The following TWIST2 variants were observed in gnomAD, a reference collection of about 807,000 sequenced individuals.
TWIST2 encodes twist-related protein 2.
A neutral mutation model predicts 11.6 loss-of-function variants in TWIST2; 1 was observed. The observed-to-expected ratio is 0.09, with a 90% CI of 0.03 to 0.41. The LOEUF is 0.41. TWIST2 is among the 10% of genes least tolerant of loss of function. TWIST2 has a pLI of 0.98. For missense variants in TWIST2, 168 were observed against 226.4 expected (o/e 0.74, Z 1.66); for synonymous variants, 87 against 96.6 (o/e 0.90, Z 0.58).
At chr2:238,871,351 A>C (rs1374997186) in intron 1 of TWIST2, among the ~76,000 whole-genome samples, 1 of 48,268 alleles carries the variant, frequency 2.1e-5, no homozygotes, top group African/African-American at 9.1e-5. Context: ...ACCACACCCC[A>C]CACACACAGT....
intron 1 of TWIST2, among the ~76,000 whole-genome samples, chr2:238,899,670 T>C (rs1693245540): frequency 6.6e-6 from 1 of 152,214 alleles, no homozygotes; most frequent in East Asian, 1.9e-4. Context: ...GATTTCCAAA[T>C]GGTAACATTC....
chr2:238,862,672 C>G (rs1041969893), intron 1 of TWIST2, among the ~76,000 whole-genome samples: 9 of 152,128 alleles, frequency 5.9e-5, no homozygotes, highest in African/African-American at 1.7e-4. Context: ...CTGGAAATAC[C>G]CTTTGCATGA....
chr2:238,894,378 G>A (rs1693182294), intron 1 of TWIST2, among the ~76,000 whole-genome samples: 1 of 152,020 alleles, frequency 6.6e-6, no homozygotes, highest in Non-Finnish European at 1.5e-5. Flanking sequence ...CCCAAGCTGG[G>A]CCCCTGAGCG....
At chr2:238,860,368 T>A (rs1377183102) in intron 1 of TWIST2, among the ~76,000 whole-genome samples, 2 of 152,236 alleles carry the variant, frequency 1.3e-5, no homozygotes, top group Non-Finnish European at 2.9e-5. Context: ...CTCAGCCACC[T>A]GTGTTTGAGA....
intron 1 of TWIST2, among the ~76,000 whole-genome samples, chr2:238,905,946 CGCGCGT>C (rs1693344412): frequency 9.1e-6 from 1 of 109,426 alleles, no homozygotes; most frequent in Non-Finnish European, 2.0e-5. Context: ...TGTGTGTGCG[CGCGCGT>C]GTGTACGTGT....
In TWIST2 at chr2:238,866,675, C is replaced by CA. The variant is rs1280057600; in HGVS notation, c.*35+17943dup. Among the ~76,000 whole-genome samples, 1 of 152,058 alleles carries CA rather than the reference C, an allele frequency of 6.6e-6. No individual in the cohort carries two copies. Among genetic ancestry groups the CA allele is most frequent in the East Asian group, 1.9e-4 (1 of 5,172 alleles). ...CCACCATGGAAAAAAAAAAGAAAAG[C>CA]ACGGCGCCTTCATGTTCCATGCCTT... On this transcript the variant is annotated intron_variant, in intron 1 of 1. Transcript: ENST00000612363. The surrounding 1 kb of genome is among the most constrained non-coding windows in gnomAD (Gnocchi z 4.9).
chr2:238,855,839 G>A (rs1318047921), intron 1 of TWIST2, among the ~76,000 whole-genome samples: 1 of 152,126 alleles, frequency 6.6e-6, no homozygotes, highest in Non-Finnish European at 1.5e-5. Flanking sequence ...GAAGCCTCGT[G>A]CGGCCCATAG....
At chr2:238,909,501 C>A (rs1693416231) in intron 1 of TWIST2, among the ~76,000 whole-genome samples, 1 of 152,126 alleles carries the variant, frequency 6.6e-6, no homozygotes, top group Non-Finnish European at 1.5e-5. Context: ...CTGAGGGGCT[C>A]ACCCACAGCC....
At chr2:238,900,960 C>T (rs1175623681) in intron 1 of TWIST2, among the ~76,000 whole-genome samples, 2 of 151,506 alleles carry the variant, frequency 1.3e-5, no homozygotes, top group Non-Finnish European at 2.9e-5. Flanking sequence ...ATCGTTTCTG[C>T]CCTATCCCTT....
chr2:238,900,951 T>C (rs1693261698), intron 1 of TWIST2, among the ~76,000 whole-genome samples: 1 of 151,608 alleles, frequency 6.6e-6, no homozygotes, highest in African/African-American at 2.4e-5. Context: ...TTTTTTCTGA[T>C]CGTTTCTGCC....
At chr2:238,889,363 T>A (rs540588600) in intron 1 of TWIST2, among the ~76,000 whole-genome samples, 4 of 152,296 alleles carry the variant, frequency 2.6e-5, no homozygotes, top group South Asian at 4.1e-4. Context: ...GTACATATAT[T>A]TATATATACA....
chr2:238,862,675 T>C (rs567632130), intron 1 of TWIST2, among the ~76,000 whole-genome samples: 32 of 152,326 alleles, frequency 2.1e-4, no homozygotes, highest in African/African-American at 7.5e-4. Flanking sequence ...GAAATACCCT[T>C]TGCATGAACA....
rs573281953 is a variant in TWIST2, at chr2:238,889,249, C to T, written c.*36-20593C>T. Reference sequence around the variant, plus strand: ...ACAATGTGAGTGTAAAATCTCCACCCTCAAACCATGAATTCAGTAAATCAT... The same window carrying T: ...ACAATGTGAGTGTAAAATCTCCACCTTCAAACCATGAATTCAGTAAATCAT... On this transcript the variant is annotated intron_variant, in intron 1 of 1. Coordinates refer to ENST00000612363, the MANE Select transcript of TWIST2 (RefSeq NM_001271893.4). 2.0e-5 allele frequency among the ~76,000 whole-genome samples: 3 copies of T among 152,316 alleles called. No homozygotes were observed. In the South Asian group the frequency reaches 6.2e-4, roughly 32 times the overall value.
Position 238,848,374 on chromosome 2 carries a change from G to C in TWIST2, c.159G>C (p.Lys53Asn). 6.5e-7 allele frequency: 1 copy of C among 1,534,910 alleles called. No homozygotes were observed. Residue 53 changes from lysine (K) to asparagine (N), a missense_variant, in exon 1 of 2, where the codon AAG (lysine) becomes AAC (asparagine). Physicochemically the swap from Lys to Asn is moderately conservative, Grantham distance 94. Around this residue, in one of 3 missense-constraint regions of TWIST2, gnomAD observed 83 missense variants for 92.7 expected, o/e 0.90. Transcript: ENST00000612363. ...CGACCCCGGGCAAGCGCGGCAAGAA[G>C]GGCAGCCCCAGCGCGCAGTCCTTCG... Reference protein sequence around the residue: ...GSPTPGKRGKKGSPSAQSFEE... With the variant: ...GSPTPGKRGKNGSPSAQSFEE...
At chr2:238,880,788 T>G (rs111209894) in intron 1 of TWIST2, among the ~76,000 whole-genome samples, 2 of 124,752 alleles carry the variant, frequency 1.6e-5, no homozygotes, top group Middle Eastern at 5.7e-3. Context: ...TTAGTATTAG[T>G]GTTAGTGTTA....
intron 1 of TWIST2, among the ~76,000 whole-genome samples, chr2:238,899,543 G>T (rs1257405543): frequency 6.6e-6 from 1 of 152,216 alleles, no homozygotes; most frequent in African/African-American, 2.4e-5. Context: ...CGGGGCTTCA[G>T]CCTCAGGCCA....
intron 1 of TWIST2, among the ~76,000 whole-genome samples, chr2:238,878,858 C>T (rs1692855108): frequency 6.6e-6 from 1 of 152,194 alleles, no homozygotes. Flanking sequence ...TATAGTCCTC[C>T]ACCTTCAGGA....
At position 238,885,964 on chromosome 2, in the gene TWIST2, C is replaced by T. The variant is rs577277337; in HGVS notation, c.*36-23878C>T. Among the ~76,000 whole-genome samples, 9 of 152,032 alleles carry T rather than the reference C, an allele frequency of 5.9e-5. No homozygotes were observed. In the South Asian group the frequency reaches 1.9e-3, roughly 32 times the overall value. On this transcript the variant is annotated intron_variant, in intron 1 of 1. Transcript: ENST00000612363. Reference sequence around the variant, plus strand: ...TACAAAAATTATCTGGGCATGGTGGCAGACGCCTGTAATCCCAGCTACTCA... The same window carrying T: ...TACAAAAATTATCTGGGCATGGTGGTAGACGCCTGTAATCCCAGCTACTCA...
intron 1 of TWIST2, among the ~76,000 whole-genome samples, chr2:238,891,042 C>T (rs1236414168): frequency 2.0e-5 from 3 of 152,204 alleles, no homozygotes; most frequent in Non-Finnish European, 4.4e-5. Context: ...CGGCGTGGTC[C>T]AGCTCTCAGT....
Sources: allele counts gnomAD v4.1 joint callset (sites outside exome capture counted in the v4.1 genomes callset), GRCh38; gene constraint gnomAD v4.1.1; regional missense constraint gnomAD v4.1.1; non-coding constraint Gnocchi (gnomAD v3.1); transcripts MANE v1.5; gene names NCBI Gene and HGNC (gene_info 2026-07-23, HGNC 2026-07-21).